The following ADCK1 variants were observed in gnomAD, a reference collection of about 807,000 sequenced individuals.
The protein encoded by ADCK1 is aarF domain containing kinase 1, also known as aarF domain-containing protein kinase 1.
Under a neutral mutation model 52.3 loss-of-function variants are expected in ADCK1, and 41 were observed. The observed-to-expected ratio is 0.78, with a 90% confidence interval of 0.61 to 1.02. The LOEUF is 1.02. Among genes scored for constraint, ADCK1 ranks in the 50% least tolerant of loss-of-function variants. The probability of loss-of-function intolerance (pLI) is 0.00; values close to 1 mark genes in which losing one functional copy is unlikely to be tolerated. For synonymous variants in ADCK1, 250 were observed against 274.6 expected (o/e 0.91, Z 0.89); for missense variants, 658 against 679.5 (o/e 0.97, Z 0.35).
chr14:77,840,371 A>G (rs1299722112), intron 3 of ADCK1, among the ~76,000 whole-genome samples: 1 of 151,540 alleles, frequency 6.6e-6, no homozygotes, highest in African/African-American at 2.4e-5. Flanking sequence ...GGCTGTCCAC[A>G]TTCCTTGGCT....
At chr14:77,893,886 A>G (rs2083337964) in intron 5 of ADCK1, among the ~76,000 whole-genome samples, 1 of 151,878 alleles carries the variant, frequency 6.6e-6, no homozygotes, top group African/African-American at 2.4e-5. Context: ...GGTATCTGCC[A>G]CCACGCCTGG....
chr14:77,810,921 C>G (rs192887084), intron 1 of ADCK1, among the ~76,000 whole-genome samples: 3 of 152,084 alleles, frequency 2.0e-5, no homozygotes, highest in Non-Finnish European at 4.4e-5. Context: ...GGATCACTCT[C>G]ATGATCTTGA....
At chr14:77,883,454 A>G (rs559615311) in intron 4 of ADCK1, among the ~76,000 whole-genome samples, 1 of 152,252 alleles carries the variant, frequency 6.6e-6, no homozygotes, top group South Asian at 2.1e-4. Flanking sequence ...CTTACCATCT[A>G]TCAGCATAAA....
chr14:77,893,162 ACT>A (rs2083318576), intron 5 of ADCK1, among the ~76,000 whole-genome samples: 1 of 152,128 alleles, frequency 6.6e-6, no homozygotes, highest in African/African-American at 2.4e-5. Context: ...ACGGCCAGTG[ACT>A]CTTATTGATT....
intron 3 of ADCK1, among the ~76,000 whole-genome samples, chr14:77,844,919 A>G (rs934807956): frequency 9.9e-5 from 15 of 152,230 alleles, no homozygotes; most frequent in Non-Finnish European, 2.2e-4. Context: ...ACCTGGACTC[A>G]GAGTGCGTGC....
At chr14:77,899,009 C>A in intron 5 of ADCK1, 91 bp from the exon 6 acceptor site, 1 of 1,543,948 alleles carries the variant, frequency 6.5e-7, no homozygotes, top group South Asian at 1.2e-5. Context: ...AGCAGTTTCC[C>A]TTACTCTAGG....
chr14:77,873,315 T>C (rs2082826707), intron 4 of ADCK1, among the ~76,000 whole-genome samples: 1 of 152,256 alleles, frequency 6.6e-6, no homozygotes, highest in Non-Finnish European at 1.5e-5. Flanking sequence ...TCTTTATTCA[T>C]GGAGCTTCAG....
In ADCK1 at chr14:77,879,423, T is replaced by C. The variant is rs147823528; in HGVS notation, c.424-7668T>C. ...CTCTGAGGAGGTGATTGTTCAGCTGTGATTGGAAGAATGAGTGGGGGAAGG... is the reference window on the plus strand; with the variant it reads ...CTCTGAGGAGGTGATTGTTCAGCTGCGATTGGAAGAATGAGTGGGGGAAGG... On this transcript the variant is annotated intron_variant, in intron 4 of 10. Coordinates refer to ENST00000238561, the MANE Select transcript of ADCK1 (RefSeq NM_020421.4). 5.9e-5 allele frequency among the ~76,000 whole-genome samples: 9 copies of C among 152,096 alleles called. No individual in the cohort carries two copies. In the East Asian group the frequency reaches 1.7e-3, roughly 29 times the overall value.
chr14:77,812,177 T>C (rs1240980225), intron 1 of ADCK1, among the ~76,000 whole-genome samples: 1 of 152,166 alleles, frequency 6.6e-6, no homozygotes, highest in Non-Finnish European at 1.5e-5. Context: ...AAATTTCAAG[T>C]AAACAATACA....
At chr14:77,831,343 G>C (rs1406305334) in intron 3 of ADCK1, among the ~76,000 whole-genome samples, 1 of 152,094 alleles carries the variant, frequency 6.6e-6, no homozygotes, top group Non-Finnish European at 1.5e-5. Context: ...TGCATACTAG[G>C]GCTCCCTCCG....
At chr14:77,864,322 T>C (rs2082616803) in intron 4 of ADCK1, among the ~76,000 whole-genome samples, 1 of 152,210 alleles carries the variant, frequency 6.6e-6, no homozygotes, top group South Asian at 2.1e-4. Flanking sequence ...AGAAAAGAGA[T>C]AAAGAAGCCT....
intron 9 of ADCK1, among the ~76,000 whole-genome samples, chr14:77,928,928 T>C (rs1417444417): frequency 6.6e-6 from 1 of 152,228 alleles, no homozygotes; most frequent in African/African-American, 2.4e-5. Context: ...GTTATTTGTC[T>C]GCACGCCTTA....
chr14:77,867,537 G>A (rs2082687965), intron 4 of ADCK1, among the ~76,000 whole-genome samples: 1 of 152,184 alleles, frequency 6.6e-6, no homozygotes, highest in Non-Finnish European at 1.5e-5. Context: ...AGAGATTTCG[G>A]CCATAAAATT....
chr14:77,852,677 A>ATTATATATATATATAT (rs1174966238), intron 3 of ADCK1, among the ~76,000 whole-genome samples: 8 of 75,414 alleles, frequency 1.1e-4, no homozygotes, highest in Non-Finnish European at 2.2e-4. Flanking sequence ...ATATATATAT[A>ATTATATATATATATAT]TATATATATA....
At chr14:77,830,619 C>T (rs1259924743) in intron 3 of ADCK1, among the ~76,000 whole-genome samples, 1 of 147,320 alleles carries the variant, frequency 6.8e-6, no homozygotes, top group Non-Finnish European at 1.5e-5. Flanking sequence ...TTTTTAACAC[C>T]AGTGCCACTT....
intron 3 of ADCK1, among the ~76,000 whole-genome samples, chr14:77,852,899 ATATATATATTTTTTTT>A (rs1383086750): frequency 1.8e-4 from 6 of 33,464 alleles, no homozygotes; most frequent in African/African-American, 6.2e-4. Context: ...ATATATATAT[ATATATATATTTTTTTT>A]TTTTTTTTTT....
Position 77,925,750 on chromosome 14 carries a change from C to A in ADCK1, c.1009-14C>A. 1 of 1,613,656 alleles carries A rather than the reference C, an allele frequency of 6.2e-7. No homozygotes were observed. The highest frequency in any genetic ancestry group is 2.2e-5 in the East Asian group (1 of 44,870). On this transcript the variant is annotated splice_polypyrimidine_tract_variant and intron_variant, in intron 8 of 10. Transcript: ENST00000238561. ...GACGAGGCTTAGGTCCCACCGCTGCCGCCTCCACCCTAGATGCTCACGGAA... is the reference window on the plus strand; with the variant it reads ...GACGAGGCTTAGGTCCCACCGCTGCAGCCTCCACCCTAGATGCTCACGGAA...
chr14:77,910,206 G>T (rs1377976424), intron 7 of ADCK1, among the ~76,000 whole-genome samples: 1 of 152,174 alleles, frequency 6.6e-6, no homozygotes, highest in South Asian at 2.1e-4. Flanking sequence ...TTGCCAATGC[G>T]TGAGCTGCCT....
chr14:77,823,813 CCA>C (rs2140042156), intron 3 of ADCK1, among the ~76,000 whole-genome samples: 2 of 152,268 alleles, frequency 1.3e-5, no homozygotes, highest in Admixed American at 1.3e-4. Context: ...TTCAAGTAAT[CCA>C]CCTGCCTTGG....
Sources: gnomAD v4.1 joint callset for allele counts (sites outside exome capture counted in the v4.1 genomes callset) on GRCh38, gnomAD v4.1.1 for gene constraint, MANE v1.5 for transcripts, NCBI Gene and HGNC (gene_info 2026-07-23, HGNC 2026-07-21) for gene names.